The following CECR2 variants were observed in gnomAD, a reference collection of about 807,000 sequenced individuals.
The protein encoded by CECR2 is chromatin remodeling regulator CECR2.
Under a neutral mutation model 154.5 loss-of-function variants are expected in CECR2, and 30 were observed. The observed-to-expected ratio is 0.19, with a 90% CI of 0.15 to 0.26. The LOEUF (loss-of-function observed/expected upper bound fraction) is 0.26, where lower values mean the gene tolerates loss of function less well. Among genes scored for constraint, CECR2 ranks in the 10% least tolerant of loss-of-function variants. CECR2 has a pLI of 1.00. For synonymous variants in CECR2, 725 were observed against 683.7 expected, an observed-to-expected ratio of 1.06 and a Z score of -0.94; for missense variants, 1,743 against 1,829.3, an observed-to-expected ratio of 0.95 and a Z score of 0.86.
intron 2 of CECR2, among the ~76,000 whole-genome samples, chr22:17,483,479 C>T (rs1000149045): frequency 1.3e-5 from 2 of 152,118 alleles, no homozygotes; most frequent in Admixed American, 6.6e-5. Flanking sequence ...ATTATCTGGA[C>T]ATGGTGGTGC....
intron 16 of CECR2, among the ~76,000 whole-genome samples, chr22:17,543,296 C>G (rs545710410): frequency 1.3e-5 from 2 of 152,148 alleles, no homozygotes; most frequent in South Asian, 4.1e-4. Context: ...CCACGCCCGG[C>G]TAATTTTTTT....
chr22:17,387,855 A>G (rs1280662548), intron 1 of CECR2, among the ~76,000 whole-genome samples: 5 of 151,264 alleles, frequency 3.3e-5, no homozygotes, highest in Non-Finnish European at 7.4e-5. Context: ...AACCAGAACA[A>G]TTTTTTTTTC....
Position 17,499,629 on chromosome 22 carries a change from C to A in CECR2, c.545+80C>A, listed in dbSNP as rs2055699143. On this transcript the variant is annotated intron_variant, in intron 4 of 18. Coordinates refer to ENST00000262608, the MANE Select transcript of CECR2 (RefSeq NM_001290047.2). ...TTAAATGCATCAGAATTCTACAGCA[C>A]AATTTTTTTTTCCTAATGAAGGAAT... is the stretch of plus-strand genomic sequence containing the variant. 10 of 1,398,808 alleles carry A rather than the reference C, an allele frequency of 7.1e-6. No individual in the cohort carries two copies. In the South Asian group the frequency reaches 1.4e-4, roughly 19 times the overall value. The allele number at this position is 1,398,808 out of a possible 1,614,324, so 86.6% of individuals were successfully genotyped here. A position where few individuals can be genotyped will look rare whatever the true frequency, so the allele number is the denominator to read the frequency against.
At chr22:17,368,430 G>A (rs73876414), upstream of CECR2, among the ~76,000 whole-genome samples, 5,559 of 152,238 alleles carry the variant, frequency 0.037, 279 homozygotes, top group East Asian at 0.22. Flanking sequence ...ATGCAAGTGC[G>A]ACGACCAATA....
chr22:17,438,446 C>A (rs1467978902), intron 1 of CECR2, among the ~76,000 whole-genome samples: 1 of 152,098 alleles, frequency 6.6e-6, no homozygotes, highest in African/African-American at 2.4e-5. Flanking sequence ...TGATTTGGTT[C>A]CTGTATATGG....
At chr22:17,506,791 C>T (rs1387200957) in intron 7 of CECR2, among the ~76,000 whole-genome samples, 1 of 152,098 alleles carries the variant, frequency 6.6e-6, no homozygotes, top group Non-Finnish European at 1.5e-5. Flanking sequence ...GTAGCTGGGA[C>T]TATAGGCGTG....
intron 1 of CECR2, among the ~76,000 whole-genome samples, chr22:17,396,354 G>A (rs1472859645): frequency 6.6e-6 from 1 of 152,120 alleles, no homozygotes; most frequent in Non-Finnish European, 1.5e-5. Context: ...AGACCAGCCT[G>A]GCCAATGTGG....
intron 16 of CECR2, 126 bp downstream of exon 16, chr22:17,543,129 T>C: frequency 8.7e-7 from 1 of 1,146,808 alleles, no homozygotes; most frequent in South Asian, 1.7e-5. Flanking sequence ...TTTGGTTTTG[T>C]TTTGTTCTGT....
At chr22:17,500,978 A>C (rs1338452705) in intron 5 of CECR2, among the ~76,000 whole-genome samples, 3 of 152,190 alleles carry the variant, frequency 2.0e-5, no homozygotes, top group African/African-American at 7.2e-5. Context: ...GCACTTAATG[A>C]GGATTATATT....
At position 17,549,782 on chromosome 22, in the gene CECR2, TG is replaced by T. The variant is rs1179401350; in HGVS notation, c.4277+220del. On this transcript the variant is annotated intron_variant, in intron 17 of 18. Coordinates refer to ENST00000262608, the MANE Select transcript of CECR2 (RefSeq NM_001290047.2). ...ATGCCACCACACCCAGCTAACTTTT[TG>T]GTTTTTTTTTTTTTTTTTTTTTGGT... Among the ~76,000 whole-genome samples the T allele has an allele frequency of 1.6e-3, 140 of 86,662 alleles. 33 individuals carry two copies. Among genetic ancestry groups the T allele is most frequent in the African/African-American group, 2.3e-3 (49 of 21,090 alleles). The allele number at this position is 86,662 out of a possible 152,430, so 56.9% of individuals were successfully genotyped here.
At chr22:17,430,427 A>G (rs978405743) in intron 1 of CECR2, among the ~76,000 whole-genome samples, 4 of 152,072 alleles carry the variant, frequency 2.6e-5, no homozygotes, top group Non-Finnish European at 4.4e-5. Context: ...ATTCTTCAAG[A>G]TGCTCTATCA....
intron 1 of CECR2, among the ~76,000 whole-genome samples, chr22:17,476,807 A>G (rs746959622): frequency 1.3e-5 from 2 of 152,188 alleles, no homozygotes; most frequent in East Asian, 1.9e-4. Flanking sequence ...CCTAGAAAAC[A>G]TTCTGTCATC....
chr22:17,366,835 C>T (rs1043105005), upstream of CECR2, among the ~76,000 whole-genome samples: 1 of 152,248 alleles, frequency 6.6e-6, no homozygotes, highest in Admixed American at 6.5e-5. Flanking sequence ...ACTGTTGATT[C>T]CAAGACACTT....
chr22:17,425,341 C>T (rs1250971856), intron 1 of CECR2, among the ~76,000 whole-genome samples: 8 of 152,000 alleles, frequency 5.3e-5, no homozygotes, highest in African/African-American at 1.7e-4. Context: ...TGCTTAGAGC[C>T]GTCAAACTGC....
At chr22:17,474,445 G>A (rs1293450339) in intron 1 of CECR2, among the ~76,000 whole-genome samples, 2 of 152,144 alleles carry the variant, frequency 1.3e-5, no homozygotes, top group Non-Finnish European at 2.9e-5. Flanking sequence ...TGTCCTTTGA[G>A]GGACCATTTA....
chr22:17,515,295 G>A (rs913338183), intron 8 of CECR2, among the ~76,000 whole-genome samples: 1 of 152,180 alleles, frequency 6.6e-6, no homozygotes, highest in South Asian at 2.1e-4. Context: ...GTCTGAGACA[G>A]GTGGAGCAAT....
intron 5 of CECR2, among the ~76,000 whole-genome samples, chr22:17,501,781 G>A (rs553407818): frequency 6.6e-6 from 1 of 152,250 alleles, no homozygotes; most frequent in South Asian, 2.1e-4. Context: ...CATGATACCT[G>A]TCTCCGTTTC....
chr22:17,387,676 T>C (rs1326131529), intron 1 of CECR2, among the ~76,000 whole-genome samples: 1 of 152,212 alleles, frequency 6.6e-6, no homozygotes, highest in Non-Finnish European at 1.5e-5. Flanking sequence ...TTCTATATGC[T>C]TCTGAATCCT....
chr22:17,394,702 G>A (rs750575983), intron 1 of CECR2, among the ~76,000 whole-genome samples: 40 of 152,234 alleles, frequency 2.6e-4, no homozygotes, highest in Middle Eastern at 3.4e-3. Context: ...TTTTGATAGG[G>A]ATTACATTGA....
Sources: gnomAD v4.1 joint callset for allele counts (sites outside exome capture counted in the v4.1 genomes callset) on GRCh38, gnomAD v4.1.1 for gene constraint, MANE v1.5 for transcripts, NCBI Gene and HGNC (gene_info 2026-07-23, HGNC 2026-07-21) for gene names.